CHCHD6: variants seen among roughly 807,000 people sequenced by gnomAD.
CHCHD6 encodes coiled-coil-helix-coiled-coil-helix domain containing 6, also known as MICOS complex subunit MIC25.
A neutral mutation model predicts 32.3 loss-of-function variants in CHCHD6; 28 were observed. The observed-to-expected ratio is 0.87, with a 90% CI of 0.64 to 1.19. The LOEUF is 1.19. CHCHD6 is among the 50% of genes most tolerant of loss of function. The pLI is 0.00. For synonymous variants in CHCHD6, 122 were observed against 117.5 expected (o/e 1.04, Z -0.25); for missense variants, 333 against 307.0 (o/e 1.08, Z -0.63).
rs141047194 is a variant in CHCHD6 at position 126,903,010 on chromosome 3, G to A, written c.496-11670G>A. Among the ~76,000 whole-genome samples, 7 of 152,264 alleles carry A rather than the reference G, an allele frequency of 4.6e-5. No individual in the cohort carries two copies. The East Asian group carries it at 1.4e-3, about 30-fold the overall frequency. On this transcript the variant is annotated intron_variant, in intron 5 of 7. Transcript: ENST00000290913. ...GTCGGTGGTCAGTTCCCTGCGAAGG[G>A]AGGTCAGGAGGCATGCTTGTAAGCT...
chr3:126,816,445 G>A (rs1490862332), intron 4 of CHCHD6, among the ~76,000 whole-genome samples: 1 of 152,196 alleles, frequency 6.6e-6, no homozygotes, highest in Admixed American at 6.5e-5. Context: ...AAGAGCAGAG[G>A]CGCTCAGCAC....
intron 4 of CHCHD6, among the ~76,000 whole-genome samples, chr3:126,822,004 A>G (rs1576457890): frequency 1.3e-5 from 2 of 152,134 alleles, no homozygotes; most frequent in African/African-American, 2.4e-5. Flanking sequence ...CACTCATTCT[A>G]TGGGGTAACT....
intron 1 of CHCHD6, among the ~76,000 whole-genome samples, chr3:126,718,492 G>C (rs567182150): frequency 6.6e-6 from 1 of 152,228 alleles, no homozygotes; most frequent in Admixed American, 6.5e-5. Flanking sequence ...CAGCTGGTAT[G>C]CAGCTTAGCT....
At chr3:126,823,095 T>C (rs1351334692) in intron 4 of CHCHD6, among the ~76,000 whole-genome samples, 3 of 152,148 alleles carry the variant, frequency 2.0e-5, no homozygotes, top group African/African-American at 4.8e-5. Context: ...GTTTTGTTTG[T>C]TGGTAGAGGC....
chr3:126,917,816 T>C (rs1452348692), intron 6 of CHCHD6, among the ~76,000 whole-genome samples: 3 of 152,114 alleles, frequency 2.0e-5, no homozygotes, highest in African/African-American at 4.8e-5. Flanking sequence ...TTTTCTACCA[T>C]GTTGAGGACA....
chr3:126,952,943 C>G (rs1242578473), intron 6 of CHCHD6: 1 of 984,326 alleles, frequency 1.0e-6, no homozygotes, highest in Non-Finnish European at 1.2e-6. Context: ...TTGTCTGTGG[C>G]CATCACATTC....
intron 4 of CHCHD6, among the ~76,000 whole-genome samples, chr3:126,757,528 C>T (rs778298782): frequency 5.9e-5 from 9 of 152,128 alleles, no homozygotes; most frequent in Non-Finnish European, 1.2e-4. Flanking sequence ...CACAGACTTC[C>T]GCAGCAAGCT....
At chr3:126,787,867 A>G (rs1206544210) in intron 4 of CHCHD6, among the ~76,000 whole-genome samples, 1 of 152,150 alleles carries the variant, frequency 6.6e-6, no homozygotes, top group African/African-American at 2.4e-5. Flanking sequence ...ACTATGTTGA[A>G]TAGGAGTGGT....
intron 4 of CHCHD6, among the ~76,000 whole-genome samples, chr3:126,828,686 A>C (rs940811020): frequency 6.6e-6 from 1 of 152,158 alleles, no homozygotes; most frequent in East Asian, 1.9e-4. Flanking sequence ...GGGGGAATGT[A>C]TGTTGGCATT....
chr3:126,707,253 C>T (rs1934533056), intron 1 of CHCHD6, among the ~76,000 whole-genome samples: 1 of 142,524 alleles, frequency 7.0e-6, no homozygotes, highest in Admixed American at 7.2e-5. Flanking sequence ...GTGACAGAGA[C>T]TCCGTCTTAA....
rs4679291 is a variant in CHCHD6, at chr3:126,757,345, T to C, written c.411+24123T>C. On this transcript the variant is annotated intron_variant, in intron 4 of 7. Coordinates refer to ENST00000290913, the MANE Select transcript of CHCHD6 (RefSeq NM_032343.3). Reference sequence around the variant, plus strand: ...CCTGTACTTGGGGACTTTGTCACCCTATCTGGAAGAAGTCTAGGGAAAAGT... The same window carrying C: ...CCTGTACTTGGGGACTTTGTCACCCCATCTGGAAGAAGTCTAGGGAAAAGT... Among the ~76,000 whole-genome samples the C allele has an allele frequency of 1.8e-3, 279 of 152,300 alleles. 4 individuals carry two copies. The highest frequency in any genetic ancestry group is 0.017 in the Admixed American group (265 of 15,302).
intron 5 of CHCHD6, among the ~76,000 whole-genome samples, chr3:126,892,377 C>T (rs982009074): frequency 1.2e-4 from 19 of 152,308 alleles, no homozygotes; most frequent in African/African-American, 4.3e-4. Context: ...CCAGCCCAGC[C>T]CCCGACTCTA....
rs1171129783 is a variant in CHCHD6, at chr3:126,822,752, C to T, written c.412-29895C>T. Among the ~76,000 whole-genome samples, 8 of 152,040 alleles carry T rather than the reference C, an allele frequency of 5.3e-5. No homozygotes were observed. The South Asian group carries it at 1.5e-3, about 28-fold the overall frequency. Reference sequence around the variant, plus strand: ...TTTTATTAAAACAATCATTCCTCACCGAATTGCAGGAGGGCCTTTGTCATT... The same window carrying T: ...TTTTATTAAAACAATCATTCCTCACTGAATTGCAGGAGGGCCTTTGTCATT... On this transcript the variant is annotated intron_variant, in intron 4 of 7. Transcript: ENST00000290913.
rs76565393 is a variant in CHCHD6 at position 126,907,201 on chromosome 3, T to C, written c.496-7479T>C. Among the ~76,000 whole-genome samples the C allele has an allele frequency of 4.6e-3, 707 of 152,330 alleles. 6 individuals carry two copies. Among genetic ancestry groups the C allele is most frequent in the African/African-American group, 0.016 (660 of 41,574 alleles). On this transcript the variant is annotated intron_variant, in intron 5 of 7. Transcript: ENST00000290913. ...AAGGTTCAGTTGAGCTGACTTTGCA[T>C]TGACTGTAGTCAGGGCAGATCTCTG...
intron 4 of CHCHD6, among the ~76,000 whole-genome samples, chr3:126,821,783 G>A (rs1940167663): frequency 6.6e-6 from 1 of 150,650 alleles, no homozygotes; most frequent in South Asian, 2.1e-4. Flanking sequence ...AGTGTGAAGT[G>A]GTATCTCATT....
At chr3:126,941,564 G>T (rs2078559740) in intron 6 of CHCHD6, among the ~76,000 whole-genome samples, 1 of 151,944 alleles carries the variant, frequency 6.6e-6, no homozygotes, top group African/African-American at 2.4e-5. Context: ...TCTTTTTTTG[G>T]GGGATAAGTG....
intron 5 of CHCHD6, among the ~76,000 whole-genome samples, chr3:126,912,999 T>C (rs1196107231): frequency 1.3e-5 from 2 of 152,118 alleles, no homozygotes; most frequent in African/African-American, 2.4e-5. Context: ...CTGCCCAGCT[T>C]CAGCCAGGCT....
intron 4 of CHCHD6, among the ~76,000 whole-genome samples, chr3:126,772,819 G>A (rs1452996791): frequency 3.3e-5 from 5 of 152,208 alleles, no homozygotes; most frequent in Admixed American, 1.3e-4. Context: ...TTGCTTCATA[G>A]TGTCACTGGT....
intron 4 of CHCHD6, among the ~76,000 whole-genome samples, chr3:126,829,976 T>C (rs1241785335): frequency 3.3e-5 from 5 of 152,172 alleles, no homozygotes; most frequent in Non-Finnish European, 7.3e-5. Flanking sequence ...CACGCACATG[T>C]AGTCCCAGCT....
Sources: gnomAD v4.1 joint callset for allele counts (sites outside exome capture counted in the v4.1 genomes callset) on GRCh38, gnomAD v4.1.1 for gene constraint, MANE v1.5 for transcripts, NCBI Gene and HGNC (gene_info 2026-07-23, HGNC 2026-07-21) for gene names.